RTN4: variants seen among roughly 807,000 people sequenced by gnomAD.
RTN4 encodes the protein reticulon 4.
Under a neutral mutation model 90.4 loss-of-function variants are expected in RTN4, and 32 were observed. That is an observed-to-expected ratio of 0.35 (90% confidence interval 0.27 to 0.48). RTN4 has a LOEUF of 0.48. Among genes scored for constraint, RTN4 ranks in the 20% least tolerant of loss-of-function variants. The pLI, the probability that RTN4 is intolerant of heterozygous loss-of-function variation, is 0.99. For synonymous variants in RTN4, 629 were observed against 552.5 expected (o/e 1.14, Z -1.94); for missense variants, 1,706 against 1,430.2 (o/e 1.19, Z -3.11).
chr2:55,135,836 G>A, the RTN4 span, among the ~76,000 whole-genome samples: 6 of 152,080 alleles, frequency 3.9e-5, no homozygotes, highest in Non-Finnish European at 7.4e-5. Flanking sequence ...ATTTTTTACT[G>A]CTTTAACTTA....
chr2:55,064,349 C>CTTT (rs70947003), intron 2 of RTN4, among the ~76,000 whole-genome samples: 40,017 of 133,090 alleles, frequency 0.3, 7,230 homozygotes, highest in East Asian at 0.58. Flanking sequence ...CACAAACATT[C>CTTT]TTTTTTTTTT....
chr2:55,070,978 G>C (rs1668501675), intron 2 of RTN4, among the ~76,000 whole-genome samples: 1 of 151,520 alleles, frequency 6.6e-6, no homozygotes, highest in African/African-American at 2.4e-5. Context: ...GGGTTTCACT[G>C]TGTTAGCCAG....
intron 4 of RTN4, among the ~76,000 whole-genome samples, chr2:54,986,956 T>C (rs1678609928): frequency 6.6e-6 from 1 of 152,092 alleles, no homozygotes; most frequent in Admixed American, 6.5e-5. Flanking sequence ...TATAGTATAC[T>C]TGTGAAAACA....
chr2:55,123,833 G>T, the RTN4 span, among the ~76,000 whole-genome samples: 1 of 151,812 alleles, frequency 6.6e-6, no homozygotes, highest in South Asian at 2.1e-4. Flanking sequence ...TTTGAATAAG[G>T]ACTCTGCATT....
chr2:55,048,260 A>C (rs1410503581), intron 1 of RTN4, among the ~76,000 whole-genome samples: 2 of 152,240 alleles, frequency 1.3e-5, no homozygotes, highest in East Asian at 3.8e-4. Context: ...TAGTGAGTGA[A>C]TGTGAAGGCC....
chr2:55,039,209 C>T (rs749535840), intron 1 of RTN4, among the ~76,000 whole-genome samples: 6 of 152,078 alleles, frequency 3.9e-5, no homozygotes, highest in African/African-American at 1.5e-4. Context: ...AACTAATGTA[C>T]GCATTTGTCA....
chr2:54,978,804 A>G (rs1187871149), intron 5 of RTN4, among the ~76,000 whole-genome samples: 2 of 152,194 alleles, frequency 1.3e-5, no homozygotes, highest in African/African-American at 4.8e-5. Flanking sequence ...TCAACTGGAG[A>G]GACTGGAGCT....
At chr2:55,071,634 A>G (rs1668516026) in intron 2 of RTN4, among the ~76,000 whole-genome samples, 1 of 151,502 alleles carries the variant, frequency 6.6e-6, no homozygotes, top group Admixed American at 6.6e-5. Context: ...GCTGCAGGCG[A>G]TCACTGACTT....
chr2:54,978,431 C>CAAAAAAAA (rs10718270), intron 5 of RTN4, among the ~76,000 whole-genome samples: 2 of 81,122 alleles, frequency 2.5e-5, no homozygotes, highest in African/African-American at 4.5e-5. Context: ...ACTCTATCTC[C>CAAAAAAAA]AAAAAAAAAA....
chr2:55,020,027 CAAT>C (rs1681311331), intron 3 of RTN4, among the ~76,000 whole-genome samples: 1 of 151,884 alleles, frequency 6.6e-6, no homozygotes, highest in African/African-American at 2.4e-5. Context: ...ATCTACAAAA[CAAT>C]GATGAAAGAA....
intron 1 of RTN4, among the ~76,000 whole-genome samples, chr2:55,097,517 C>T (rs1404973884): frequency 6.6e-6 from 1 of 152,050 alleles, no homozygotes; most frequent in African/African-American, 2.4e-5. Flanking sequence ...AAGACACTTG[C>T]TATTGCCCCA....
chr2:55,054,598 G>A (rs1668157044), upstream of RTN4, among the ~76,000 whole-genome samples: 1 of 152,158 alleles, frequency 6.6e-6, no homozygotes. Context: ...CGTAGGATGG[G>A]TATACTCTTG....
the RTN4 span, among the ~76,000 whole-genome samples, chr2:55,122,350 C>T: frequency 5.6e-4 from 86 of 152,276 alleles, no homozygotes; most frequent in African/African-American, 1.8e-3. Flanking sequence ...TTCCGGCTTA[C>T]AACACCAAGA....
Position 55,050,375 on chromosome 2 carries a change from T to C in RTN4, c.-75A>G. On this transcript the variant is annotated 5_prime_UTR_variant, in exon 1 of 9. Transcript: ENST00000337526. The surrounding 1 kb of genome is among the most constrained non-coding windows in gnomAD (Gnocchi z 4.6). Reference sequence around the variant, plus strand: ...CGCGTCTCAGAGCCGCGGGCGGTTGTGGGGGTTGGGGAGGACTGAGAGGGG... The same window carrying C: ...CGCGTCTCAGAGCCGCGGGCGGTTGCGGGGGTTGGGGAGGACTGAGAGGGG... The C allele has an allele frequency of 2.1e-6, 2 of 974,260 alleles. No individual in the cohort carries two copies. The highest frequency in any genetic ancestry group is 2.8e-6 in the Non-Finnish European group (2 of 714,932). The allele number at this position is 974,260 out of a possible 1,614,324, so 60.4% of individuals were successfully genotyped here.
intron 2 of RTN4, among the ~76,000 whole-genome samples, chr2:55,079,190 A>C (rs978463840): frequency 1.3e-5 from 2 of 152,226 alleles, no homozygotes; most frequent in African/African-American, 4.8e-5. Context: ...CCAAAGCTTC[A>C]AATACCAGTC....
chr2:55,048,500 AT>A (rs138542213), intron 1 of RTN4, among the ~76,000 whole-genome samples: 17 of 149,136 alleles, frequency 1.1e-4, no homozygotes, highest in African/African-American at 2.0e-4. Flanking sequence ...GCTTTTTTCT[AT>A]TTTTTTTTTA....
At chr2:55,033,207 T>C (rs1042844945) in intron 1 of RTN4, among the ~76,000 whole-genome samples, 1 of 151,808 alleles carries the variant, frequency 6.6e-6, no homozygotes, top group African/African-American at 2.4e-5. Context: ...AAATCAAAGA[T>C]AGAGACAACC....
chr2:55,104,393 C>T (rs1667905975), intron 1 of RTN4, among the ~76,000 whole-genome samples: 3 of 151,822 alleles, frequency 2.0e-5, no homozygotes, highest in Admixed American at 1.3e-4. Context: ...TGCTCTGTTG[C>T]CCAGGCTGGA....
intron 5 of RTN4, among the ~76,000 whole-genome samples, chr2:54,976,179 A>G (rs182557996): frequency 2.0e-5 from 3 of 152,342 alleles, no homozygotes; most frequent in East Asian, 1.9e-4. Flanking sequence ...TGCCCTTAAC[A>G]TGACAGAAGA....
Sources: gnomAD v4.1 joint callset for allele counts (sites outside exome capture counted in the v4.1 genomes callset) on GRCh38, gnomAD v4.1.1 for gene constraint, Gnocchi (gnomAD v3.1) non-coding constraint, MANE v1.5 for transcripts, NCBI Gene and HGNC (gene_info 2026-07-23, HGNC 2026-07-21) for gene names.